CIMIP2A: variants seen among roughly 807,000 people sequenced by gnomAD.
CIMIP2A encodes family with sequence similarity 166 member A.
chr9:137,248,460 G>A, the CIMIP2A span, among the ~76,000 whole-genome samples: 5 of 151,430 alleles, frequency 3.3e-5, no homozygotes, highest in Admixed American at 2.6e-4. Context: ...GGAGAATGGC[G>A]TGAACCCAGG....
At chr9:137,248,120 G>C in the CIMIP2A span, among the ~76,000 whole-genome samples, 1 of 152,244 alleles carries the variant, frequency 6.6e-6, no homozygotes, top group Non-Finnish European at 1.5e-5. Flanking sequence ...CTCGAGTCAG[G>C]GGCTTCCCGG....
chr9:137,245,799 A>G, the CIMIP2A span: 1 of 1,533,320 alleles, frequency 6.5e-7, no homozygotes, highest in East Asian at 2.3e-5. Context: ...GCCCCGTGGT[A>G]CGCCCATAGG....
chr9:137,251,395 C>A, the CIMIP2A span: 3 of 1,607,734 alleles, frequency 1.9e-6, no homozygotes, highest in Non-Finnish European at 2.6e-6. Flanking sequence ...AGAGCCCACC[C>A]AGTAACTGGC....
the CIMIP2A span, among the ~76,000 whole-genome samples, chr9:137,247,276 ACT>A: frequency 6.6e-6 from 1 of 152,136 alleles, no homozygotes; most frequent in Non-Finnish European, 1.5e-5. Flanking sequence ...TAAGAGCGAA[ACT>A]CTGTCTCAAA....
chr9:137,247,461 C>A, the CIMIP2A span, among the ~76,000 whole-genome samples: 1 of 152,216 alleles, frequency 6.6e-6, no homozygotes, highest in African/African-American at 2.4e-5. Flanking sequence ...GAGGCCTGGG[C>A]CCCTGGCAAC....
the CIMIP2A span, chr9:137,245,132 C>T: frequency 2.9e-5 from 46 of 1,597,380 alleles, no homozygotes; most frequent in South Asian, 2.9e-4. Flanking sequence ...GGTCCAGCTG[C>T]GGCAGCCGCT....
chr9:137,252,806 C>T, the CIMIP2A span: 76 of 1,564,844 alleles, frequency 4.9e-5, no homozygotes, highest in African/African-American at 9.2e-4. Context: ...CCTCAGGGTG[C>T]AGCCCCAGTC....
At chr9:137,251,095 G>T in the CIMIP2A span, 322 of 597,144 alleles carry the variant, frequency 5.4e-4, no homozygotes, top group African/African-American at 5.2e-3. Context: ...GGGGCAGGCT[G>T]GGGGTCCTGG....
chr9:137,245,825 A>AG, the CIMIP2A span: 1 of 1,509,272 alleles, frequency 6.6e-7, no homozygotes, highest in Non-Finnish European at 8.9e-7. Flanking sequence ...CCCACCTGGT[A>AG]GCGCAGCTGC....
the CIMIP2A span, chr9:137,252,062 G>C: frequency 6.2e-7 from 1 of 1,613,144 alleles, no homozygotes; most frequent in Non-Finnish European, 8.5e-7. Flanking sequence ...CCAGGTACCA[G>C]GTGCCGAGCC....
chr9:137,253,330 T>C, the CIMIP2A span: 105 of 1,549,910 alleles, frequency 6.8e-5, no homozygotes, highest in African/African-American at 1.4e-3. Flanking sequence ...CCCCTGGGAC[T>C]TGGGGCCCCA....
chr9:137,251,773 C>A, the CIMIP2A span: 2 of 1,587,076 alleles, frequency 1.3e-6, no homozygotes, highest in Middle Eastern at 1.7e-4. Context: ...GGCCCGGAGC[C>A]GGGGATGGCC....
At chr9:137,251,286 G>C in the CIMIP2A span, 17 of 1,603,734 alleles carry the variant, frequency 1.1e-5, no homozygotes, top group Non-Finnish European at 1.5e-5. Context: ...AGGAGACTCT[G>C]ATGATGAATT....
At chr9:137,246,622 G>A in the CIMIP2A span, among the ~76,000 whole-genome samples, 1 of 152,162 alleles carries the variant, frequency 6.6e-6, no homozygotes, top group Non-Finnish European at 1.5e-5. Flanking sequence ...AGTTATCCAG[G>A]CATTGGTGGC....
the CIMIP2A span, chr9:137,244,344 C>A: frequency 4.4e-6 from 7 of 1,608,296 alleles, no homozygotes; most frequent in Non-Finnish European, 5.1e-6. Flanking sequence ...AACAGATAGT[C>A]AAGTTGTCCC....
chr9:137,248,033 C>T, the CIMIP2A span, among the ~76,000 whole-genome samples: 1 of 152,206 alleles, frequency 6.6e-6, no homozygotes, highest in Admixed American at 6.5e-5. Context: ...GGCCACCAGC[C>T]CCAGTCTCAG....
At chr9:137,245,011 C>A in the CIMIP2A span, 14 of 1,609,844 alleles carry the variant, frequency 8.7e-6, no homozygotes, top group South Asian at 1.1e-5. Flanking sequence ...CTGTGGCAGC[C>A]TCCTCAGGGG....
the CIMIP2A span, chr9:137,247,819 T>C: frequency 7.0e-5 from 80 of 1,150,336 alleles, no homozygotes; most frequent in Middle Eastern, 1.9e-4. Context: ...GGGCCAGCAT[T>C]GTGGGCACCT....
At chr9:137,253,356 C>T in the CIMIP2A span, 3 of 1,541,876 alleles carry the variant, frequency 1.9e-6, no homozygotes, top group African/African-American at 2.7e-5. Context: ...GCCTTCTGAC[C>T]CTCTGGGCAC....
Sources: allele counts gnomAD v4.1 joint callset (sites outside exome capture counted in the v4.1 genomes callset), GRCh38; gene constraint gnomAD v4.1.1; transcripts MANE v1.5; gene names NCBI Gene and HGNC (gene_info 2026-07-23, HGNC 2026-07-21).